Variants in PTPRT observed in about 807,000 individuals in gnomAD.
The protein encoded by PTPRT is receptor-type tyrosine-protein phosphatase T.
A neutral mutation model predicts 176.8 loss-of-function variants in PTPRT; 56 were observed. The ratio of observed to expected loss-of-function variants is 0.32; its 90% confidence interval spans 0.26 to 0.40. The LOEUF is 0.40. PTPRT is among the 10% of genes least tolerant of loss of function. The probability of loss-of-function intolerance (pLI) is 1.00; values close to 1 mark genes in which losing one functional copy is unlikely to be tolerated. For missense variants in PTPRT, 1,540 were observed against 1,908.2 expected (o/e 0.81, Z 3.60); for synonymous variants, 783 against 739.0 (o/e 1.06, Z -0.96).
At chr20:42,252,532 G>A (rs2056564438) in intron 13 of PTPRT, among the ~76,000 whole-genome samples, 1 of 152,132 alleles carries the variant, frequency 6.6e-6, no homozygotes. Context: ...AGTAAACCTG[G>A]GAGAGTGTAG....
intron 1 of PTPRT, among the ~76,000 whole-genome samples, chr20:43,125,162 A>ATT (rs11477178): frequency 0.081 from 11,784 of 145,288 alleles, 579 homozygotes; most frequent in Admixed American, 0.12. Flanking sequence ...CACCTAGCTG[A>ATT]TTTTTTTTTT....
At chr20:42,764,052 C>A (rs993324505) in intron 5 of PTPRT, among the ~76,000 whole-genome samples, 19 of 152,164 alleles carry the variant, frequency 1.2e-4, no homozygotes, top group African/African-American at 4.6e-4. Flanking sequence ...TGGCAGTCTA[C>A]CTTGTGAGCC....
chr20:43,075,325 C>T (rs995457609), intron 1 of PTPRT, among the ~76,000 whole-genome samples: 5 of 152,382 alleles, frequency 3.3e-5, no homozygotes, highest in African/African-American at 4.8e-5. Context: ...CTACCTGGCA[C>T]GGTGAAGAGT....
chr20:42,405,746 T>C (rs960300198), intron 9 of PTPRT, among the ~76,000 whole-genome samples: 5 of 152,188 alleles, frequency 3.3e-5, no homozygotes, highest in African/African-American at 1.2e-4. Context: ...TTTCTAGTTC[T>C]AGATCCTTGA....
intron 6 of PTPRT, chr20:42,685,332 C>T (rs1311711880): frequency 6.6e-6 from 1 of 152,140 alleles, no homozygotes; most frequent in Admixed American, 6.5e-5. Flanking sequence ...AAAATCATGA[C>T]CTCTAGCATA....
intron 9 of PTPRT, among the ~76,000 whole-genome samples, chr20:42,383,684 T>C (rs995510042): frequency 4.6e-5 from 7 of 152,188 alleles, no homozygotes; most frequent in Non-Finnish European, 8.8e-5. Flanking sequence ...CCCCTAAGAA[T>C]GGGGGAAAAT....
At chr20:42,994,101 A>G (rs2146114333) in intron 1 of PTPRT, among the ~76,000 whole-genome samples, 1 of 152,294 alleles carries the variant, frequency 6.6e-6, no homozygotes, top group African/African-American at 2.4e-5. Flanking sequence ...GTATGTATTC[A>G]TCTGCTATGT....
chr20:42,520,802 C>CATATATATATATATATAT (rs58797064), intron 7 of PTPRT, among the ~76,000 whole-genome samples: 7 of 141,686 alleles, frequency 4.9e-5, no homozygotes, highest in East Asian at 4.2e-4. Context: ...CTTGGAAAGA[C>CATATATATATATATATAT]ATATATATAT....
intron 6 of PTPRT, among the ~76,000 whole-genome samples, chr20:42,705,578 C>A (rs568557575): frequency 1.3e-5 from 2 of 152,070 alleles, no homozygotes; most frequent in African/African-American, 4.8e-5. Context: ...GAGGACCTTA[C>A]AATAATAATA....
chr20:42,883,968 C>T (rs1400391496), intron 2 of PTPRT, among the ~76,000 whole-genome samples: 1 of 151,756 alleles, frequency 6.6e-6, no homozygotes, highest in East Asian at 2.0e-4. Context: ...CCCATACACA[C>T]ACACACACGC....
chr20:42,479,136 T>C (rs940554785), intron 7 of PTPRT, among the ~76,000 whole-genome samples: 1 of 152,222 alleles, frequency 6.6e-6, no homozygotes, highest in East Asian at 1.9e-4. Flanking sequence ...AATCTTCTAA[T>C]GACCTTAATC....
chr20:42,598,824 C>T (rs2073722933), intron 7 of PTPRT, among the ~76,000 whole-genome samples: 1 of 152,152 alleles, frequency 6.6e-6, no homozygotes, highest in Non-Finnish European at 1.5e-5. Context: ...GGCTGCCTCG[C>T]CCATCAGGCT....
chr20:43,053,486 A>T (rs1043026240), intron 1 of PTPRT, among the ~76,000 whole-genome samples: 1 of 152,188 alleles, frequency 6.6e-6, no homozygotes, highest in Non-Finnish European at 1.5e-5. Flanking sequence ...AGCAATCCCC[A>T]TCACACACAA....
intron 7 of PTPRT, among the ~76,000 whole-genome samples, chr20:42,626,291 T>C (rs6102958): frequency 0.12 from 18,668 of 152,104 alleles, 3,694 homozygotes; most frequent in African/African-American, 0.41. Flanking sequence ...CAGATGATTC[T>C]CCTTACCTTC....
chr20:42,532,885 G>A (rs1024175109), intron 7 of PTPRT, among the ~76,000 whole-genome samples: 2 of 151,950 alleles, frequency 1.3e-5, no homozygotes, highest in Non-Finnish European at 2.9e-5. Flanking sequence ...GAGGCCCACA[G>A]TCTACACCCC....
chr20:42,964,967 AATT>A (rs2146047634), intron 1 of PTPRT, among the ~76,000 whole-genome samples: 1 of 152,326 alleles, frequency 6.6e-6, no homozygotes, highest in South Asian at 2.1e-4. Context: ...AAAATAGTTC[AATT>A]ATTATTTTAA....
intron 9 of PTPRT, among the ~76,000 whole-genome samples, chr20:42,404,292 C>A (rs955387365): frequency 6.6e-6 from 1 of 152,070 alleles, no homozygotes; most frequent in Admixed American, 6.6e-5. Context: ...CCATCCAGAC[C>A]CTGCAGGGGA....
chr20:42,279,029 T>C (rs2057095659), intron 13 of PTPRT, among the ~76,000 whole-genome samples: 1 of 152,134 alleles, frequency 6.6e-6, no homozygotes, highest in African/African-American at 2.4e-5. Context: ...AAAACCTGAT[T>C]TTTAAATTGC....
intron 12 of PTPRT, among the ~76,000 whole-genome samples, chr20:42,312,892 C>T (rs756956207): frequency 4.4e-4 from 63 of 143,986 alleles, no homozygotes; most frequent in Middle Eastern, 7.6e-3. Context: ...AGCAAACTGT[C>T]GGAGGCATTT....
Sources: gnomAD v4.1 joint callset for allele counts (sites outside exome capture counted in the v4.1 genomes callset) on GRCh38, gnomAD v4.1.1 for gene constraint, MANE v1.5 for transcripts, NCBI Gene and HGNC (gene_info 2026-07-23, HGNC 2026-07-21) for gene names.